Variants in CNPY2 observed in about 807,000 individuals in gnomAD.
CNPY2 encodes the protein protein canopy homolog 2.
In CNPY2, 19 loss-of-function variants were observed where a neutral mutation model predicts 25.5. The ratio of observed to expected loss-of-function variants is 0.74; its 90% CI spans 0.52 to 1.09. The LOEUF (loss-of-function observed/expected upper bound fraction) is 1.09. Among genes scored for constraint, CNPY2 ranks in the 50% least tolerant of loss-of-function variants. The pLI is 0.00. For synonymous variants in CNPY2, 82 were observed against 85.0 expected (o/e 0.96, Z 0.19); for missense variants, 214 against 233.6 (o/e 0.92, Z 0.55).
rs563151921 is a variant in CNPY2, at chr12:56,312,193, A to G, written c.205-779T>C. On this transcript the variant is annotated intron_variant, in intron 3 of 5. Coordinates refer to ENST00000273308, the MANE Select transcript of CNPY2 (RefSeq NM_014255.7). ...GCGCCCGGCCTGGTTTTAAATTAAT[A>G]TGGTTTACTTGATAGTTTCAAAGTA... Among the ~76,000 whole-genome samples the G allele has an allele frequency of 4.9e-5, 7 of 142,486 alleles. No individual in the cohort carries two copies. In the East Asian group the frequency reaches 1.0e-3, roughly 21 times the overall value. The allele number at this position is 142,486 out of a possible 152,430, so 93.5% of individuals were successfully genotyped here. A position where few individuals can be genotyped will look rare whatever the true frequency, so the allele number is the denominator to read the frequency against.
At chr12:56,313,982 ACCTCTG>A in intron 3 of CNPY2, among the ~76,000 whole-genome samples, 1 of 138,256 alleles carries the variant, frequency 7.2e-6, no homozygotes. Flanking sequence ...GCTCACTGCA[ACCTCTG>A]CCTCCTGGGT....
Position 56,309,944 on chromosome 12 carries a change from C to G in CNPY2, c.*608G>C. On this transcript the variant is annotated 3_prime_UTR_variant, in exon 6 of 6. Coordinates refer to ENST00000273308, the MANE Select transcript of CNPY2 (RefSeq NM_014255.7). ...AAACAACCTTCCTTACCTCGTCTGT[C>G]CCTATCCGATAAAGCCCTTACTTTT... 1.4e-6 allele frequency: 1 copy of G among 702,334 alleles called. No individual in the cohort carries two copies. The highest frequency in any genetic ancestry group is 2.6e-6 in the Non-Finnish European group (1 of 384,826). The allele number at this position is 702,334 out of a possible 1,614,324, so 43.5% of individuals were successfully genotyped here.
In CNPY2 at chr12:56,315,038, C is replaced by A. The variant is rs764708852; in HGVS notation, c.89-72G>T. The A allele has an allele frequency of 1.9e-6, 3 of 1,596,238 alleles. No individual in the cohort carries two copies. In the East Asian group the frequency reaches 6.7e-5, roughly 36 times the overall value. ...GGGTGTGAGGAGAATGGGATCAACC[C>A]AGGATTTCCATTCATCCTTCTCCCA... On this transcript the variant is annotated intron_variant, in intron 2 of 5. Transcript: ENST00000273308.
rs578145098 is a variant in CNPY2, at chr12:56,310,049, A to G, written c.*503T>C. 2 of 697,782 alleles carry G rather than the reference A, an allele frequency of 2.9e-6. No homozygotes were observed. Among genetic ancestry groups the G allele is most frequent in the Non-Finnish European group, 5.2e-6 (2 of 383,056 alleles). The allele number at this position is 697,782 out of a possible 1,614,324, so 43.2% of individuals were successfully genotyped here. ...CTCCATCTGGATGGGCAGGGAAGGA[A>G]GAATAATGCATATCCGTTATTTCCT... On this transcript the variant is annotated 3_prime_UTR_variant, in exon 6 of 6. Transcript: ENST00000273308.
At chr12:56,311,077 G>C in intron 4 of CNPY2, 23 bp from the exon 5 acceptor site, 2 of 1,612,024 alleles carry the variant, frequency 1.2e-6, no homozygotes, top group Non-Finnish European at 1.7e-6. Flanking sequence ...GGGAGAAATG[G>C]GTGACACAGG....
At chr12:56,313,333 A>G (rs1873776648) in intron 3 of CNPY2, among the ~76,000 whole-genome samples, 1 of 152,004 alleles carries the variant, frequency 6.6e-6, no homozygotes, top group Non-Finnish European at 1.5e-5. Context: ...TCTACTAAAA[A>G]TACAAAATTA....
intron 3 of CNPY2, chr12:56,314,596 G>A: frequency 7.4e-7 from 1 of 1,356,130 alleles, no homozygotes; most frequent in Non-Finnish European, 9.5e-7. Context: ...CCAGTCATGT[G>A]GATGTGGAGA....
At chr12:56,313,809 T>C (rs1010115802) in intron 3 of CNPY2, among the ~76,000 whole-genome samples, 1 of 151,116 alleles carries the variant, frequency 6.6e-6, no homozygotes, top group Admixed American at 6.6e-5. Context: ...GGTTTCACCA[T>C]GTTAGCCAGG....
chr12:56,315,211 C>G lies in CNPY2; in HGVS notation c.7G>C (p.Gly3Arg), dbSNP rs756651654. The change falls in exon 2 of 6, where the codon GGC (glycine) becomes CGC (arginine). Residue 3 changes from glycine to arginine, a missense_variant. By Grantham distance (125) the Gly-to-Arg change is moderately radical (BLOSUM62 -2). Transcript: ENST00000273308. MK[G>R]WGWLALLLGA... ...AGAAGCAGGGCCAGCCAACCCCAGC[C>G]TTTCATCTTTAGCGTAATGGGGTCG... The G allele has an allele frequency of 6.2e-7, 1 of 1,613,972 alleles. No homozygotes were observed. The highest frequency in any genetic ancestry group is 8.5e-7 in the Non-Finnish European group (1 of 1,179,870).
intron 2 of CNPY2, 70 bp downstream of exon 2, chr12:56,315,060 C>T: frequency 6.3e-7 from 1 of 1,599,088 alleles, no homozygotes; most frequent in Non-Finnish European, 8.6e-7. Context: ...TCATCCTTCT[C>T]CCAGGCCTTG....
Position 56,314,886 on chromosome 12 carries a change from G to T in CNPY2, c.169C>A (p.Arg57=), listed in dbSNP as rs1873844287. Residue 57 remains arginine (R), a synonymous_variant, in exon 3 of 6, where the codon CGG becomes AGG. Transcript: ENST00000273308. ...PKKTIQMGSF[R]INPDGSQSVV... is the part of the protein sequence containing the mutation. ...GACTGGCTGCCATCTGGATTGATCC[G>T]GAAAGATCCCATCTGAATGGTCTTC... is the stretch of plus-strand genomic sequence containing the variant. 6.2e-7 allele frequency: 1 copy of T among 1,614,192 alleles called. No homozygotes were observed. The highest frequency in any genetic ancestry group is 8.5e-7 in the Non-Finnish European group (1 of 1,180,038).
intron 3 of CNPY2, chr12:56,314,446 T>C (rs1873819366): frequency 9.1e-7 from 1 of 1,099,762 alleles, no homozygotes; most frequent in Non-Finnish European, 1.1e-6. Flanking sequence ...TGTGTACATG[T>C]GTGTTGTTTT....
At chr12:56,312,586 T>C (rs1217654430) in intron 3 of CNPY2, 1 of 152,914 alleles carries the variant, frequency 6.5e-6, no homozygotes, top group Non-Finnish European at 1.5e-5. Flanking sequence ...TCTTTTTTTT[T>C]TTGAGATGGA....
intron 3 of CNPY2, among the ~76,000 whole-genome samples, chr12:56,313,456 C>T (rs1873781411): frequency 6.6e-6 from 1 of 152,048 alleles, no homozygotes; most frequent in Non-Finnish European, 1.5e-5. Flanking sequence ...TGTCATTGCA[C>T]TCCAGCCTGG....
Position 56,314,886 on chromosome 12 carries a change from G to A in CNPY2, c.169C>T (p.Arg57Trp). The change falls in exon 3 of 6, where the codon CGG (arginine) becomes TGG (tryptophan). Residue 57 changes from arginine (R) to tryptophan (W), a missense_variant. Arg to Trp is a moderately radical substitution (Grantham distance 101). Coordinates refer to ENST00000273308, the MANE Select transcript of CNPY2 (RefSeq NM_014255.7). ...PKKTIQMGSF[R>W]INPDGSQSVV... ...GACTGGCTGCCATCTGGATTGATCC[G>A]GAAAGATCCCATCTGAATGGTCTTC... The A allele has an allele frequency of 1.2e-6, 2 of 1,614,192 alleles. No individual in the cohort carries two copies. Among genetic ancestry groups the A allele is most frequent in the South Asian group, 1.1e-5 (1 of 91,084 alleles).
chr12:56,313,403 T>G (rs906565802), intron 3 of CNPY2, among the ~76,000 whole-genome samples: 5 of 151,756 alleles, frequency 3.3e-5, no homozygotes, highest in Non-Finnish European at 7.4e-5. Context: ...GGCAGGAGAA[T>G]CGCTTGAACC....
At chr12:56,315,766 T>C in intron 1 of CNPY2, 55 bp downstream of exon 1, 1 of 156,614 alleles carries the variant, frequency 6.4e-6, no homozygotes, top group Non-Finnish European at 1.4e-5. Context: ...TGCTTTCGCT[T>C]CAGTCCATCC....
intron 3 of CNPY2, among the ~76,000 whole-genome samples, chr12:56,312,164 C>A (rs1873737313): frequency 6.6e-6 from 1 of 152,034 alleles, no homozygotes; most frequent in Non-Finnish European, 1.5e-5. Context: ...AGGCATGAGC[C>A]ACCGCGCCCG....
chr12:56,310,635 A>T, intron 5 of CNPY2, 40 bp from the exon 6 acceptor site: 4 of 1,609,542 alleles, frequency 2.5e-6, no homozygotes, highest in Non-Finnish European at 3.4e-6. Context: ...TGCCATTCTC[A>T]TACTGATATC....
Sources: allele counts gnomAD v4.1 joint callset (sites outside exome capture counted in the v4.1 genomes callset), GRCh38; gene constraint gnomAD v4.1.1; transcripts MANE v1.5; gene names NCBI Gene and HGNC (gene_info 2026-07-23, HGNC 2026-07-21).